Variants in OTOF observed in about 807,000 individuals in gnomAD.
OTOF encodes the protein fer-1-like family member 2.
In OTOF, 218 loss-of-function variants were observed where a neutral mutation model predicts 236.8. The ratio of observed to expected loss-of-function variants is 0.92; its 90% confidence interval spans 0.82 to 1.03. The LOEUF is 1.03. OTOF is among the 50% of genes least tolerant of loss of function. The pLI, the probability that OTOF is intolerant of heterozygous loss-of-function variation, is 0.00. For synonymous variants in OTOF, 1,041 were observed against 1,072.5 expected, an observed-to-expected ratio of 0.97 and a Z score of 0.57; for missense variants, 2,590 against 2,694.4, an observed-to-expected ratio of 0.96 and a Z score of 0.86.
At chr2:26,558,403 C>T (rs1667649995) in intron 1 of OTOF, 90 bp downstream of exon 1, 3 of 1,179,580 alleles carry the variant, frequency 2.5e-6, no homozygotes, top group African/African-American at 1.5e-5. Flanking sequence ...CACCCATCCT[C>T]CCAGCCCTGT....
chr2:26,463,113 T>C (rs369352046), intron 41 of OTOF, among the ~76,000 whole-genome samples: 11 of 151,982 alleles, frequency 7.2e-5, no homozygotes, highest in East Asian at 5.8e-4. Context: ...AGTGTGGGCA[T>C]GTGTGTGGGT....
chr2:26,463,215 G>A (rs1664565763), intron 41 of OTOF, among the ~76,000 whole-genome samples: 1 of 152,150 alleles, frequency 6.6e-6, no homozygotes, highest in Admixed American at 6.5e-5. Flanking sequence ...ACCGGAGTGT[G>A]CTGTGTGGGG....
In OTOF at chr2:26,489,215, C is replaced by A; in HGVS notation, c.1041G>T (p.Gln347His). ...TGGCCATGCGCAGGTACTCACCTGG[C>A]TGCGAGTACACGGTTCCCACGTCCA... ...FKMDVGTVYSQPEHQFHHKWA... is the reference protein window; with the variant it reads ...FKMDVGTVYSHPEHQFHHKWA... Residue 347 changes from glutamine to histidine, a missense_variant, in exon 11 of 47, where the codon CAG becomes CAT. Transcript: ENST00000272371. 2.5e-6 allele frequency: 4 copies of A among 1,607,740 alleles called. No homozygotes were observed. The highest frequency in any genetic ancestry group is 1.7e-5 in the Admixed American group (1 of 59,912).
intron 1 of OTOF, among the ~76,000 whole-genome samples, chr2:26,541,830 C>T (rs2148126957): frequency 6.6e-6 from 1 of 152,310 alleles, no homozygotes; most frequent in Admixed American, 6.5e-5. Context: ...TAGCCTCTTC[C>T]TTGCATGGAA....
intron 9 of OTOF, among the ~76,000 whole-genome samples, chr2:26,490,355 G>C (rs1030634074): frequency 2.6e-5 from 4 of 152,232 alleles, no homozygotes; most frequent in Non-Finnish European, 4.4e-5. Flanking sequence ...AAGCCTCAGA[G>C]CAGATGAACC....
intron 8 of OTOF, among the ~76,000 whole-genome samples, chr2:26,499,131 C>T (rs1666057736): frequency 6.6e-6 from 1 of 152,110 alleles, no homozygotes; most frequent in South Asian, 2.1e-4. Context: ...CCTTGATCCA[C>T]CAAGAACATC....
In OTOF at chr2:26,511,927, C is replaced by T. The variant is rs1454838176; in HGVS notation, c.509+4491G>A. Among the ~76,000 whole-genome samples the T allele has an allele frequency of 2.6e-5, 4 of 152,178 alleles. No homozygotes were observed. The East Asian group carries it at 7.7e-4, about 29-fold the overall frequency. On this transcript the variant is annotated intron_variant, in intron 5 of 46. Transcript: ENST00000272371. ...GCTGCATGTACTGGCCCCACATGCA[C>T]ACACTTCTGCATGCCCACTCTCTGC...
chr2:26,489,396 T>C, intron 10 of OTOF, 101 bp from the exon 11 acceptor site: 1 of 910,412 alleles, frequency 1.1e-6, no homozygotes, highest in Admixed American at 2.0e-5. Context: ...TGGGAGGGCG[T>C]TGGCAGAGTG....
intron 24 of OTOF, 98 bp downstream of exon 24, chr2:26,475,816 C>T: frequency 6.8e-7 from 1 of 1,467,742 alleles, no homozygotes; most frequent in South Asian, 1.2e-5. Flanking sequence ...GGCTCCAGGC[C>T]CCACAGGCTC....
chr2:26,472,676 A>G, intron 29 of OTOF, 27 bp from the exon 30 acceptor site: 1 of 1,610,634 alleles, frequency 6.2e-7, no homozygotes, highest in Non-Finnish European at 8.5e-7. Context: ...ATGGACAGAC[A>G]GGCAGAGGAA....
intron 1 of OTOF, among the ~76,000 whole-genome samples, chr2:26,552,905 G>C (rs1041515244): frequency 6.6e-6 from 1 of 152,246 alleles, no homozygotes. Context: ...TTCTCCAAGA[G>C]AGGGGGTGCT....
intron 1 of OTOF, among the ~76,000 whole-genome samples, chr2:26,539,236 G>A (rs1667153160): frequency 6.6e-6 from 1 of 152,142 alleles, no homozygotes; most frequent in Non-Finnish European, 1.5e-5. Flanking sequence ...AGAAGGGGTT[G>A]TAATTTCTGT....
In OTOF at chr2:26,460,640, C is replaced by A; in HGVS notation, c.5813+7G>T. On this transcript the variant is annotated splice_region_variant and intron_variant, in intron 45 of 46. Coordinates refer to ENST00000272371, the MANE Select transcript of OTOF (RefSeq NM_194248.3). This position sits in a 1 kb window ranked among gnomAD's most constrained non-coding sequence, Gnocchi z 5.3. ...GTGGGGAGGGGCTGGGCCGGCAGGG[C>A]ACTCACTTGGGTTTCTCTAGGGGGT... 1 of 1,610,552 alleles carries A rather than the reference C, an allele frequency of 6.2e-7. No homozygotes were observed. The highest frequency in any genetic ancestry group is 8.5e-7 in the Non-Finnish European group (1 of 1,176,908).
rs1664396710 is a variant in OTOF, at chr2:26,460,207, T to G, written c.5814-2A>C. 1 of 1,599,634 alleles carries G rather than the reference T, an allele frequency of 6.3e-7. No homozygotes were observed. Among genetic ancestry groups the G allele is most frequent in the South Asian group, 1.1e-5 (1 of 88,738 alleles). On this transcript the variant is annotated splice_acceptor_variant, in intron 45 of 46. Transcript: ENST00000272371. LOFTEE classifies it high-confidence loss of function. The surrounding 1 kb of genome is among the most constrained non-coding windows in gnomAD (Gnocchi z 5.3). The stretch of plus-strand genomic sequence containing the variant: ...CAGATGAAGCTCGTGTCGGGCCGGC[T>G]GGAGTATGAAGGGTAGAGAGCGCAG...
Position 26,471,106 on chromosome 2 carries a change from G to A in OTOF, c.3894+15C>T. ...CCCTCTCACCCCAGAGCCCCTGCAT[G>A]GCCCCCACACTCACCACATCCACCT... On this transcript the variant is annotated intron_variant, in intron 31 of 46. Transcript: ENST00000272371. The A allele has an allele frequency of 6.2e-7, 1 of 1,613,940 alleles. No homozygotes were observed. The highest frequency in any genetic ancestry group is 1.6e-4 in the Middle Eastern group (1 of 6,062).
At chr2:26,496,469 A>G (rs923861805) in intron 8 of OTOF, among the ~76,000 whole-genome samples, 5 of 151,568 alleles carry the variant, frequency 3.3e-5, no homozygotes. Flanking sequence ...TGAACTCCTG[A>G]CCTCAGGTGA....
chr2:26,494,711 G>T (rs1299839397), intron 9 of OTOF, among the ~76,000 whole-genome samples: 2 of 152,060 alleles, frequency 1.3e-5, no homozygotes, highest in Non-Finnish European at 2.9e-5. Flanking sequence ...CACCCGGGTG[G>T]TGTACGCTTC....
Position 26,480,789 on chromosome 2 carries a change from C to T in OTOF, c.1800G>A (p.Ser600=), listed in dbSNP as rs397517936. 46 of 1,611,348 alleles carry T rather than the reference C, an allele frequency of 2.9e-5. No homozygotes were observed. The highest frequency in any genetic ancestry group is 1.8e-4 in the Middle Eastern group (1 of 5,578). Residue 600 remains serine (S), a synonymous_variant, in exon 15 of 47, where the codon TCG becomes TCA. Coordinates refer to ENST00000272371, the MANE Select transcript of OTOF (RefSeq NM_194248.3). ...EVQVEQATPI[S]ESCAGKMEEF... is the part of the protein sequence containing the mutation. ...AGCACAGTGCCTGGGGTCTCACCTC[C>T]GAGATGGGCGTGGCCTGCTCCACCT... is the stretch of plus-strand genomic sequence containing the variant.
At chr2:26,494,727 C>T (rs1209046184) in intron 9 of OTOF, among the ~76,000 whole-genome samples, 4 of 151,964 alleles carry the variant, frequency 2.6e-5, no homozygotes, top group Admixed American at 2.6e-4. Context: ...GCTTCAAAGA[C>T]CAGTGTCGGC....
Sources: gnomAD v4.1 joint callset for allele counts (sites outside exome capture counted in the v4.1 genomes callset) on GRCh38, gnomAD v4.1.1 for gene constraint, Gnocchi (gnomAD v3.1) non-coding constraint, MANE v1.5 for transcripts, NCBI Gene and HGNC (gene_info 2026-07-23, HGNC 2026-07-21) for gene names.